The following TNR variants were observed in gnomAD, a reference collection of about 807,000 sequenced individuals.
TNR encodes tenascin R.
Under a neutral mutation model 150.4 loss-of-function variants are expected in TNR, and 45 were observed. The ratio of observed to expected loss-of-function variants is 0.30; its 90% CI spans 0.24 to 0.38. The LOEUF is 0.38. Ranked by LOEUF, TNR falls within the 10% of genes least tolerant of loss-of-function variation. TNR has a pLI of 1.00. For missense variants in TNR, 1,544 were observed against 1,759.1 expected, an observed-to-expected ratio of 0.88 and a Z score of 2.19; for synonymous variants, 687 against 678.4, an observed-to-expected ratio of 1.01 and a Z score of -0.20.
chr1:175,594,985 T>A (rs1245831060), intron 1 of TNR, among the ~76,000 whole-genome samples: 3 of 150,924 alleles, frequency 2.0e-5, no homozygotes, highest in East Asian at 2.0e-4. Context: ...TCCAACATGG[T>A]GAAACCCTGT....
chr1:175,358,848 G>A (rs969810633), intron 15 of TNR, among the ~76,000 whole-genome samples: 5 of 152,156 alleles, frequency 3.3e-5, no homozygotes, highest in Non-Finnish European at 5.9e-5. Flanking sequence ...ACAAAAACAC[G>A]GAAGAGTTTA....
At chr1:175,421,009 G>A (rs1239136408) in intron 2 of TNR, among the ~76,000 whole-genome samples, 1 of 151,958 alleles carries the variant, frequency 6.6e-6, no homozygotes. Context: ...TTTTTTTAAA[G>A]TTTCAGCCTT....
chr1:175,705,339 T>C (rs1394527149), intron 1 of TNR, among the ~76,000 whole-genome samples: 1 of 152,220 alleles, frequency 6.6e-6, no homozygotes, highest in Non-Finnish European at 1.5e-5. Flanking sequence ...AGTTTTTTTC[T>C]TTTGTCAAAA....
intron 2 of TNR, among the ~76,000 whole-genome samples, chr1:175,497,759 C>T (rs1658548585): frequency 6.6e-6 from 1 of 152,128 alleles, no homozygotes. Context: ...ATCACCAGTG[C>T]TTATGTTAAA....
chr1:175,622,649 T>C (rs1664018209), intron 1 of TNR, among the ~76,000 whole-genome samples: 1 of 152,210 alleles, frequency 6.6e-6, no homozygotes, highest in African/African-American at 2.4e-5. Flanking sequence ...CTGCTTTAGA[T>C]GCCTGTATTG....
intron 2 of TNR, among the ~76,000 whole-genome samples, chr1:175,499,110 G>A (rs980737639): frequency 5.3e-5 from 8 of 152,238 alleles, no homozygotes; most frequent in Admixed American, 2.0e-4. Context: ...GTGGGATCTC[G>A]CCAATCACGA....
chr1:175,603,260 T>C (rs1259307197), intron 1 of TNR, among the ~76,000 whole-genome samples: 3 of 152,222 alleles, frequency 2.0e-5, no homozygotes, highest in Admixed American at 2.0e-4. Context: ...AGCATTGAGA[T>C]AACTGGGCTC....
intron 2 of TNR, among the ~76,000 whole-genome samples, chr1:175,424,324 G>C (rs1465363744): frequency 1.3e-5 from 2 of 152,138 alleles, no homozygotes; most frequent in East Asian, 1.9e-4. Context: ...TGCCTGGCCT[G>C]GCCAGGCAGT....
intron 1 of TNR, among the ~76,000 whole-genome samples, chr1:175,606,185 C>T (rs781430157): frequency 9.2e-5 from 14 of 152,080 alleles, no homozygotes; most frequent in South Asian, 4.1e-4. Flanking sequence ...CTTCTTCAGG[C>T]GCCAAGGTTT....
At chr1:175,588,435 G>A (rs1288717876) in intron 1 of TNR, among the ~76,000 whole-genome samples, 1 of 152,190 alleles carries the variant, frequency 6.6e-6, no homozygotes, top group Non-Finnish European at 1.5e-5. Flanking sequence ...AGCAAATTTG[G>A]CACTCCTGAA....
intron 20 of TNR, among the ~76,000 whole-genome samples, chr1:175,334,657 G>A (rs1383093574): frequency 2.6e-5 from 4 of 152,140 alleles, no homozygotes; most frequent in Non-Finnish European, 5.9e-5. Context: ...CTCAGGGCAC[G>A]AGGACCATTT....
intron 1 of TNR, among the ~76,000 whole-genome samples, chr1:175,724,999 G>A (rs1667440940): frequency 6.6e-6 from 1 of 152,180 alleles, no homozygotes; most frequent in South Asian, 2.1e-4. Flanking sequence ...GCTAGAGAGA[G>A]AAACAGGGAC....
chr1:175,481,938 C>G (rs1394637174), intron 2 of TNR, among the ~76,000 whole-genome samples: 1 of 152,154 alleles, frequency 6.6e-6, no homozygotes, highest in Non-Finnish European at 1.5e-5. Flanking sequence ...CCAGACCCAA[C>G]TGAATAGTGT....
At chr1:175,511,621 AGGCAGGG>A (rs1444673337) in intron 2 of TNR, among the ~76,000 whole-genome samples, 2 of 152,212 alleles carry the variant, frequency 1.3e-5, no homozygotes, top group Non-Finnish European at 2.9e-5. Flanking sequence ...TTGCAGTGAG[AGGCAGGG>A]GTCTGAGCAG....
chr1:175,426,869 T>C (rs938443538), intron 2 of TNR, among the ~76,000 whole-genome samples: 6 of 67,518 alleles, frequency 8.9e-5, no homozygotes, highest in Admixed American at 4.5e-4. Flanking sequence ...ATATAAAATA[T>C]ATTATATATA....
At chr1:175,417,916 A>G (rs7517417) in intron 2 of TNR, among the ~76,000 whole-genome samples, 12,728 of 152,218 alleles carry the variant, frequency 0.084, 1,727 homozygotes, top group African/African-American at 0.29. Context: ...AGAAGTGGCA[A>G]TGTATTAAAG....
At chr1:175,700,182 C>A (rs946584736) in intron 1 of TNR, among the ~76,000 whole-genome samples, 1 of 149,172 alleles carries the variant, frequency 6.7e-6, no homozygotes, top group Non-Finnish European at 1.5e-5. Context: ...AGTCCTCTAG[C>A]TTAAGATAAC....
intron 1 of TNR, among the ~76,000 whole-genome samples, chr1:175,616,610 C>A (rs1663784174): frequency 6.6e-6 from 1 of 152,180 alleles, no homozygotes; most frequent in Non-Finnish European, 1.5e-5. Context: ...CGGGGCTCAG[C>A]ACAGGCAAGG....
chr1:175,560,178 T>C (rs2102209271), intron 1 of TNR, among the ~76,000 whole-genome samples: 1 of 152,376 alleles, frequency 6.6e-6, no homozygotes, highest in Non-Finnish European at 1.5e-5. Context: ...TGCAGAACTT[T>C]AGTTCTACCC....
Sources: gnomAD v4.1 joint callset for allele counts (sites outside exome capture counted in the v4.1 genomes callset) on GRCh38, gnomAD v4.1.1 for gene constraint, MANE v1.5 for transcripts, NCBI Gene and HGNC (gene_info 2026-07-23, HGNC 2026-07-21) for gene names.